The following STRN3 variants were observed in gnomAD, a reference collection of about 807,000 sequenced individuals.
STRN3 encodes striatin-3.
STRN3 carries 29 observed loss-of-function variants against 95.6 expected under a neutral mutation model. That is an observed-to-expected ratio of 0.30 (90% CI 0.23 to 0.41). The LOEUF (loss-of-function observed/expected upper bound fraction) is 0.41. Ranked by LOEUF, STRN3 falls within the 10% of genes least tolerant of loss-of-function variation. The probability of loss-of-function intolerance (pLI) is 1.00; values close to 1 mark genes in which losing one functional copy is unlikely to be tolerated. For synonymous variants in STRN3, 331 were observed against 357.6 expected, an observed-to-expected ratio of 0.93 and a Z score of 0.84; for missense variants, 890 against 972.1, an observed-to-expected ratio of 0.92 and a Z score of 1.12.
In STRN3 at chr14:30,893,893, CAATTT is replaced by C. The variant is rs1179685909; in HGVS notation, c.*1513_*1517del. 2 of 152,534 alleles carry C rather than the reference CAATTT, an allele frequency of 1.3e-5. No individual in the cohort carries two copies. Among genetic ancestry groups the C allele is most frequent in the African/African-American group, 2.4e-5 (1 of 41,402 alleles). The allele number at this position is 152,534 out of a possible 1,614,324, so 9.4% of individuals were successfully genotyped here. ...TAGCCAACAGTAACATACAGGTACA[CAATTT>C]AATATTTATTATATGCATTTTATAT... On this transcript the variant is annotated 3_prime_UTR_variant, in exon 18 of 18. Transcript: ENST00000357479.
intron 1 of STRN3, among the ~76,000 whole-genome samples, chr14:30,982,131 G>GA (rs544432617): frequency 8.3e-5 from 12 of 145,314 alleles, no homozygotes; most frequent in Non-Finnish European, 1.2e-4. Flanking sequence ...ATTCCAAGGG[G>GA]AAAAAAAAAG....
At chr14:30,929,969 A>AAAAAAAAAAC (rs1566441482) in intron 7 of STRN3, among the ~76,000 whole-genome samples, 5 of 149,230 alleles carry the variant, frequency 3.4e-5, no homozygotes, top group African/African-American at 9.8e-5. Flanking sequence ...AAAAAAAAAA[A>AAAAAAAAAAC]AAAAAAAAAA....
chr14:31,022,691 A>G (rs1883559198), intron 1 of STRN3, among the ~76,000 whole-genome samples: 1 of 151,966 alleles, frequency 6.6e-6, no homozygotes, highest in Non-Finnish European at 1.5e-5. Context: ...CATAATGGTT[A>G]CAAGAGTGGT....
intron 16 of STRN3, among the ~76,000 whole-genome samples, chr14:30,900,315 T>C (rs1415213298): frequency 6.7e-6 from 1 of 148,574 alleles, no homozygotes; most frequent in African/African-American, 2.5e-5. Flanking sequence ...GCCGTGATCG[T>C]GCCACTGCAC....
intron 1 of STRN3, among the ~76,000 whole-genome samples, chr14:30,957,050 C>G (rs1054294559): frequency 6.6e-6 from 1 of 152,068 alleles, no homozygotes; most frequent in Non-Finnish European, 1.5e-5. Flanking sequence ...CCCAGCTACC[C>G]GAAAGCCTGA....
chr14:31,003,549 T>A (rs1004609619), intron 1 of STRN3, among the ~76,000 whole-genome samples: 1 of 151,954 alleles, frequency 6.6e-6, no homozygotes, highest in East Asian at 1.9e-4. Context: ...CTCACTCCAT[T>A]AGTTCCAGCA....
intron 1 of STRN3, among the ~76,000 whole-genome samples, chr14:30,967,947 C>T (rs150247092): frequency 6.6e-6 from 1 of 152,204 alleles, no homozygotes; most frequent in African/African-American, 2.4e-5. Context: ...AACAGGTATT[C>T]AGTAATTGAT....
intron 8 of STRN3, among the ~76,000 whole-genome samples, chr14:30,924,839 A>G (rs1262137999): frequency 6.6e-6 from 1 of 152,204 alleles, no homozygotes; most frequent in African/African-American, 2.4e-5. Flanking sequence ...GCAGAGTGAC[A>G]GCCTGTCTCA....
At chr14:31,015,275 A>C (rs1883188168) in intron 1 of STRN3, among the ~76,000 whole-genome samples, 1 of 152,108 alleles carries the variant, frequency 6.6e-6, no homozygotes, top group South Asian at 2.1e-4. Context: ...TTCCCCAATT[A>C]CTATAGTTTT....
At chr14:30,931,116 G>A (rs559462355) in intron 7 of STRN3, among the ~76,000 whole-genome samples, 2 of 152,082 alleles carry the variant, frequency 1.3e-5, no homozygotes, top group African/African-American at 4.8e-5. Context: ...ATAAGCTTAA[G>A]GAAAAAAATA....
chr14:30,984,141 C>A (rs1388003918), intron 1 of STRN3, among the ~76,000 whole-genome samples: 4 of 135,264 alleles, frequency 3.0e-5, no homozygotes, highest in East Asian at 2.3e-4. Flanking sequence ...CCCCCAACCC[C>A]CCCCCACACA....
At chr14:31,019,787 A>C (rs10459471) in intron 1 of STRN3, among the ~76,000 whole-genome samples, 13,945 of 152,202 alleles carry the variant, frequency 0.092, 918 homozygotes, top group South Asian at 0.29. Context: ...ACAATCCCCC[A>C]AAAAATCAAG....
At chr14:30,985,600 T>C (rs1322314160) in intron 1 of STRN3, among the ~76,000 whole-genome samples, 1 of 3,668 alleles carries the variant, frequency 2.7e-4, no homozygotes, top group South Asian at 0.016. Context: ...CGAAACTCCA[T>C]CTCAAAAAAA....
At position 30,935,238 on chromosome 14, in the gene STRN3, A is replaced by T; in HGVS notation, c.913T>A (p.Phe305Ile). The change falls in exon 7 of 18, where the codon TTT becomes ATT. Residue 305 changes from phenylalanine (F) to isoleucine (I), a missense_variant. By Grantham distance (21) the Phe-to-Ile change is conservative. Around this residue, in one of 3 missense-constraint regions of STRN3, gnomAD observed 526 missense variants for 526.3 expected, o/e 1.00. Transcript: ENST00000357479. Reference protein sequence around the residue: ...DPDTEEALKEFDFLVTAEDGE... With the variant: ...DPDTEEALKEIDFLVTAEDGE... Reference sequence around the variant, plus strand: ...TCTTCAGCAGTCACTAAAAAATCAAATTCTTTCAGTGCTTCCTCAGTATCA... The same window carrying T: ...TCTTCAGCAGTCACTAAAAAATCAATTTCTTTCAGTGCTTCCTCAGTATCA... The T allele has an allele frequency of 6.2e-7, 1 of 1,614,078 alleles. No individual in the cohort carries two copies.
chr14:30,995,655 T>C (rs1017211794), intron 1 of STRN3, among the ~76,000 whole-genome samples: 1 of 152,208 alleles, frequency 6.6e-6, no homozygotes, highest in Non-Finnish European at 1.5e-5. Context: ...TTGCCCATCT[T>C]ATTATCAGTA....
chr14:31,020,605 G>C (rs1261102500), intron 1 of STRN3, among the ~76,000 whole-genome samples: 2 of 151,874 alleles, frequency 1.3e-5, no homozygotes, highest in Non-Finnish European at 2.9e-5. Context: ...CTGCTAATTT[G>C]TTGTAACATT....
At chr14:30,989,910 A>G (rs993277197) in intron 1 of STRN3, among the ~76,000 whole-genome samples, 1 of 151,920 alleles carries the variant, frequency 6.6e-6, no homozygotes, top group African/African-American at 2.4e-5. Flanking sequence ...GTCATCAGTT[A>G]TTGAAAGACT....
intron 13 of STRN3, among the ~76,000 whole-genome samples, chr14:30,908,346 A>T (rs1896521161): frequency 6.6e-6 from 1 of 152,098 alleles, no homozygotes; most frequent in Non-Finnish European, 1.5e-5. Context: ...TACCACTACC[A>T]CACCAAAACA....
intron 1 of STRN3, among the ~76,000 whole-genome samples, chr14:30,982,040 G>C (rs1416601071): frequency 7.6e-6 from 1 of 130,858 alleles, no homozygotes; most frequent in Non-Finnish European, 1.6e-5. Flanking sequence ...GGAGGTTGCA[G>C]TGAGCCAAGA....
Sources: allele counts gnomAD v4.1 joint callset (sites outside exome capture counted in the v4.1 genomes callset), GRCh38; gene constraint gnomAD v4.1.1; regional missense constraint gnomAD v4.1.1; transcripts MANE v1.5; gene names NCBI Gene and HGNC (gene_info 2026-07-23, HGNC 2026-07-21).